The following SLC4A11 variants were observed in gnomAD, a reference collection of about 807,000 sequenced individuals.
SLC4A11 encodes bicarbonate transporter related protein 1.
Under a neutral mutation model 95.0 loss-of-function variants are expected in SLC4A11, and 74 were observed. That is an observed-to-expected ratio of 0.78 (90% CI 0.65 to 0.95). SLC4A11 has a LOEUF of 0.95. Ranked by LOEUF, SLC4A11 falls within the 40% of genes least tolerant of loss-of-function variation. SLC4A11 has a pLI of 0.00. For synonymous variants in SLC4A11, 548 were observed against 519.0 expected, an observed-to-expected ratio of 1.06 and a Z score of -0.76; for missense variants, 1,081 against 1,192.4, an observed-to-expected ratio of 0.91 and a Z score of 1.38.
Position 3,234,077 on chromosome 20 carries a change from C to T in SLC4A11, c.523+6G>A, listed in dbSNP as rs2067879241. 6.2e-7 allele frequency: 1 copy of T among 1,613,906 alleles called. No individual in the cohort carries two copies. The highest frequency in any genetic ancestry group is 1.1e-5 in the South Asian group (1 of 91,092). On this transcript the variant is annotated splice_donor_region_variant and intron_variant, in intron 5 of 19. Transcript: ENST00000642402. The surrounding 1 kb of genome is among the most constrained non-coding windows in gnomAD (Gnocchi z 5.8). ...GCCCCCGCCCGGGCCGGGAGACCGG[C>T]CTCACCTTTACCCCGCATGGGTGCC...
At position 3,228,381 on chromosome 20, in the gene SLC4A11, C is replaced by T. The variant is rs2067614447; in HGVS notation, c.2436G>A (p.Lys812=). The T allele has an allele frequency of 6.2e-7, 1 of 1,613,394 alleles. No homozygotes were observed. Among genetic ancestry groups the T allele is most frequent in the Non-Finnish European group, 8.5e-7 (1 of 1,180,010 alleles). Residue 812 remains lysine, a synonymous_variant, in exon 19 of 20, where the codon AAG becomes AAA. Coordinates refer to ENST00000642402, the MANE Select transcript of SLC4A11 (RefSeq NM_001174089.2). ...THYIRRVPQR[K]IHYFTGLQVL... is the part of the protein sequence containing the mutation. Reference sequence around the variant, plus strand: ...CCTGCAGGCCCGTGAAGTAGTGGATCTTCCTCTGGGGCACCCTCCGGATGT... The same window carrying T: ...CCTGCAGGCCCGTGAAGTAGTGGATTTTCCTCTGGGGCACCCTCCGGATGT...
rs748982103 is a variant in SLC4A11 at position 3,233,971 on chromosome 20, G to A, written c.555C>T (p.Val185=). 1 of 1,613,924 alleles carries A rather than the reference G, an allele frequency of 6.2e-7. No individual in the cohort carries two copies. The highest frequency in any genetic ancestry group is 1.7e-5 in the Admixed American group (1 of 60,032). Residue 185 remains valine (V), a synonymous_variant, in exon 6 of 20, where the codon GTC becomes GTT. Coordinates refer to ENST00000642402, the MANE Select transcript of SLC4A11 (RefSeq NM_001174089.2). ...ACCGCACCCCTGTCACTGTGGCGGT[G>A]ACCCCTTGGATGGTATCTGACAGCA... ...VHLLSDTIQG[V]TATVTGVRYQ...
At chr20:3,237,895 T>G in intron 1 of SLC4A11, 7 of 1,550,802 alleles carry the variant, frequency 4.5e-6, no homozygotes, top group Non-Finnish European at 5.2e-6. Context: ...ACCAGTACCA[T>G]GTTCGCTAAT....
At chr20:3,239,304 A>G, upstream of SLC4A11, 1 of 1,161,296 alleles carries the variant, frequency 8.6e-7, no homozygotes, top group Non-Finnish European at 1.1e-6. Flanking sequence ...CGGTAGGCAG[A>G]GCTGCCGAGG....
chr20:3,230,953 T>G lies in SLC4A11; in HGVS notation c.1148A>C (p.Glu383Ala). The G allele has an allele frequency of 6.2e-7, 1 of 1,613,372 alleles. No homozygotes were observed. Among genetic ancestry groups the G allele is most frequent in the African/African-American group, 1.3e-5 (1 of 74,958 alleles). ...CTCACCGATGGCCCCGTCTGTGTTCTCGTCATTGAGAGACCCGAAAGCGAT... is the reference window on the plus strand; with the variant it reads ...CTCACCGATGGCCCCGTCTGTGTTCGCGTCATTGAGAGACCCGAAAGCGAT... ...PTIAFGSLND[E>A]NTDGAIDVQK... Residue 383 changes from glutamate to alanine, a missense_variant, in exon 10 of 20, where the codon GAG becomes GCG. Glu to Ala is a moderately radical substitution (Grantham distance 107, BLOSUM62 -1). Transcript: ENST00000642402.
Position 3,231,286 on chromosome 20 carries a change from G to T in SLC4A11, c.948+44C>A, listed in dbSNP as rs1160268914. On this transcript the variant is annotated intron_variant, in intron 8 of 19. Coordinates refer to ENST00000642402, the MANE Select transcript of SLC4A11 (RefSeq NM_001174089.2). The surrounding 1 kb of genome is among the most constrained non-coding windows in gnomAD (Gnocchi z 5.2). The stretch of plus-strand genomic sequence containing the variant: ...CGCCTGTTAGCCCTGTCCGGCCCAT[G>T]CCCCCGCCGACCCTGCCGGCCCCCG... 1 of 1,613,126 alleles carries T rather than the reference G, an allele frequency of 6.2e-7. No individual in the cohort carries two copies. Among genetic ancestry groups the T allele is most frequent in the Non-Finnish European group, 8.5e-7 (1 of 1,179,812 alleles).
upstream of SLC4A11, chr20:3,239,381 TC>T: frequency 9.0e-7 from 1 of 1,110,994 alleles, no homozygotes; most frequent in Non-Finnish European, 1.1e-6. Context: ...GCTGGGCTGC[TC>T]CCCGCCGCCC....
upstream of SLC4A11, chr20:3,239,401 T>G: frequency 9.2e-7 from 1 of 1,090,754 alleles, no homozygotes. Context: ...CCGCAGCTGC[T>G]GGGCCAAACC....
rs2067718678 is a variant in SLC4A11, at chr20:3,230,435, C to T, written c.1415+80G>A. 5 of 1,607,984 alleles carry T rather than the reference C, an allele frequency of 3.1e-6. No individual in the cohort carries two copies. In the South Asian group the frequency reaches 5.5e-5, roughly 18 times the overall value. ...GGGGCAGCAATATGGTGGGGGCACC[C>T]CCACCACCCTGGGGTTACAGGGGGC... On this transcript the variant is annotated intron_variant, in intron 12 of 19. Coordinates refer to ENST00000642402, the MANE Select transcript of SLC4A11 (RefSeq NM_001174089.2).
In SLC4A11 at chr20:3,234,943, C is replaced by A. The variant is rs770041441; in HGVS notation, c.89-49G>T. The A allele has an allele frequency of 6.2e-7, 1 of 1,611,550 alleles. No individual in the cohort carries two copies. Among genetic ancestry groups the A allele is most frequent in the Non-Finnish European group, 8.5e-7 (1 of 1,178,510 alleles). On this transcript the variant is annotated intron_variant, in intron 2 of 19. Coordinates refer to ENST00000642402, the MANE Select transcript of SLC4A11 (RefSeq NM_001174089.2). The surrounding 1 kb of genome is among the most constrained non-coding windows in gnomAD (Gnocchi z 5.8). Reference sequence around the variant, plus strand: ...GGCCTGGCTGTTAAAGTGCCACACACAGGAAGGAGGGGCTCCAAGCCCAGG... The same window carrying A: ...GGCCTGGCTGTTAAAGTGCCACACAAAGGAAGGAGGGGCTCCAAGCCCAGG...
At chr20:3,238,716 G>GGC in intron 1 of SLC4A11, 1 of 1,035,494 alleles carries the variant, frequency 9.7e-7, no homozygotes, top group Non-Finnish European at 1.2e-6. Context: ...AAGGTAAAAT[G>GGC]AGACCTTCCG....
intron 12 of SLC4A11, 50 bp downstream of exon 12, chr20:3,230,465 C>T (rs780539687): frequency 6.2e-7 from 1 of 1,612,804 alleles, no homozygotes; most frequent in South Asian, 1.1e-5. Flanking sequence ...GGGGGCTGAA[C>T]CAGATCCCAA....
At position 3,230,959 on chromosome 20, in the gene SLC4A11, T is replaced by C. The variant is rs201258905; in HGVS notation, c.1142A>G (p.Asn381Ser). The change falls in exon 10 of 20, where the codon AAT becomes AGT. Residue 381 changes from asparagine to serine, a missense_variant. Coordinates refer to ENST00000642402, the MANE Select transcript of SLC4A11 (RefSeq NM_001174089.2). ...LLPTIAFGSL[N>S]DENTDGAIDV... ...GATGGCCCCGTCTGTGTTCTCGTCA[T>C]TGAGAGACCCGAAAGCGATGGTGGG... is the stretch of plus-strand genomic sequence containing the variant. The C allele has an allele frequency of 3.2e-5, 51 of 1,577,828 alleles. No individual in the cohort carries two copies. The highest frequency in any genetic ancestry group is 2.6e-4 in the Admixed American group (15 of 58,644).
At position 3,231,409 on chromosome 20, in the gene SLC4A11, G is replaced by A; in HGVS notation, c.869C>T (p.Thr290Ile). The A allele has an allele frequency of 6.2e-7, 1 of 1,614,126 alleles. No homozygotes were observed. The highest frequency in any genetic ancestry group is 8.5e-7 in the Non-Finnish European group (1 of 1,180,036). ...CGCCACTGGACCGTGGCTCACCATGGTGAGCAGCTGTCTCTGATGCACCAA... is the reference window on the plus strand; with the variant it reads ...CGCCACTGGACCGTGGCTCACCATGATGAGCAGCTGTCTCTGATGCACCAA... ...EALVHQRQLL[T>I]MVSHGPVAPR... The change falls in exon 8 of 20, where the codon ACC (threonine) becomes ATC (isoleucine). Residue 290 changes from threonine (T) to isoleucine (I), a missense_variant. Around this residue, in one of 3 missense-constraint regions of SLC4A11, gnomAD observed 767 missense variants for 858.0 expected, o/e 0.89. Transcript: ENST00000642402. The surrounding 1 kb of genome is among the most constrained non-coding windows in gnomAD (Gnocchi z 5.2).
chr20:3,234,626 G>GA lies in SLC4A11; in HGVS notation c.242-10dup. 6.2e-7 allele frequency: 1 copy of GA among 1,613,882 alleles called. No homozygotes were observed. The highest frequency in any genetic ancestry group is 8.5e-7 in the Non-Finnish European group (1 of 1,180,016). On this transcript the variant is annotated splice_polypyrimidine_tract_variant and intron_variant, in intron 3 of 19. Transcript: ENST00000642402. This position sits in a 1 kb window ranked among gnomAD's most constrained non-coding sequence, Gnocchi z 5.8. ...GGAAGTCGCTTCATTCTCTGCCGGA[G>GA]AAAAGCGGGGAGGGCTCAGGGTGCC...
At chr20:3,239,010 C>T (rs1041339837) in intron 1 of SLC4A11, 85 bp downstream of exon 1, 24 of 1,418,230 alleles carry the variant, frequency 1.7e-5, no homozygotes, top group Non-Finnish European at 2.0e-5. Flanking sequence ...AGACGGCATC[C>T]GCGTTCTCCC....
At chr20:3,237,977 CCT>C (rs1179450375) in intron 1 of SLC4A11, 4 of 1,549,814 alleles carry the variant, frequency 2.6e-6, no homozygotes, top group Non-Finnish European at 1.7e-6. Flanking sequence ...GGCCTCTCCC[CCT>C]CTCTCCTCGG....
At position 3,231,632 on chromosome 20, in the gene SLC4A11, C is replaced by T; in HGVS notation, c.730-84G>A. On this transcript the variant is annotated intron_variant, in intron 7 of 19. Coordinates refer to ENST00000642402, the MANE Select transcript of SLC4A11 (RefSeq NM_001174089.2). The surrounding 1 kb of genome is among the most constrained non-coding windows in gnomAD (Gnocchi z 5.2). ...CAGGTGAAGGTGCTCTCCCCATGAA[C>T]TGGCAGCAGGTTTTTTGTCTGTTTG... 1 of 1,289,344 alleles carries T rather than the reference C, an allele frequency of 7.8e-7. No individual in the cohort carries two copies. Among genetic ancestry groups the T allele is most frequent in the East Asian group, 2.3e-5 (1 of 42,726 alleles). 79.9% of individuals were successfully genotyped at this position (1,289,344 alleles called of 1,614,324 possible).
intron 19 of SLC4A11, 63 bp from the exon 20 acceptor site, chr20:3,227,919 C>T (rs2067584881): frequency 7.1e-7 from 1 of 1,413,974 alleles, no homozygotes; most frequent in Non-Finnish European, 9.7e-7. Context: ...GACACCCATC[C>T]CAGCCCACCC....
Sources: allele counts gnomAD v4.1 joint callset, GRCh38; gene constraint gnomAD v4.1.1; regional missense constraint gnomAD v4.1.1; non-coding constraint Gnocchi (gnomAD v3.1); transcripts MANE v1.5; gene names NCBI Gene and HGNC (gene_info 2026-07-23, HGNC 2026-07-21).